The following TBC1D5 variants were observed in gnomAD, a reference collection of about 807,000 sequenced individuals.
TBC1D5 encodes TBC1 domain family member 5.
Under a neutral mutation model 100.3 loss-of-function variants are expected in TBC1D5, and 75 were observed. That is an observed-to-expected ratio of 0.75 (90% CI 0.62 to 0.91). TBC1D5 has a LOEUF of 0.91. TBC1D5 is among the 40% of genes least tolerant of loss of function. The pLI, the probability that TBC1D5 is intolerant of heterozygous loss-of-function variation, is 0.00. For missense variants in TBC1D5, 910 were observed against 942.4 expected (o/e 0.97, Z 0.45); for synonymous variants, 323 against 325.6 (o/e 0.99, Z 0.09).
intron 4 of TBC1D5, among the ~76,000 whole-genome samples, chr3:17,420,681 G>C (rs1011981382): frequency 6.6e-6 from 1 of 152,026 alleles, no homozygotes; most frequent in African/African-American, 2.4e-5. Flanking sequence ...AATTGACTTT[G>C]TATATTTCAC....
At chr3:17,616,953 C>T (rs1374644530) in intron 2 of TBC1D5, among the ~76,000 whole-genome samples, 4 of 152,094 alleles carry the variant, frequency 2.6e-5, no homozygotes, top group South Asian at 2.1e-4. Flanking sequence ...GGTTATTTTG[C>T]CCGTTAATTG....
At chr3:17,683,831 A>G (rs2069854357) in intron 1 of TBC1D5, among the ~76,000 whole-genome samples, 2 of 152,228 alleles carry the variant, frequency 1.3e-5, no homozygotes, top group Admixed American at 1.3e-4. Flanking sequence ...TGAGCTCTGT[A>G]TCTGCACATA....
At chr3:17,516,239 C>T (rs1231191029) in intron 2 of TBC1D5, among the ~76,000 whole-genome samples, 1 of 152,160 alleles carries the variant, frequency 6.6e-6, no homozygotes, top group Non-Finnish European at 1.5e-5. Flanking sequence ...ATTTCCCTTG[C>T]TCTGATGTGC....
intron 3 of TBC1D5, among the ~76,000 whole-genome samples, chr3:17,455,395 T>TAC (rs1240457919): frequency 6.9e-6 from 1 of 144,810 alleles, no homozygotes; most frequent in African/African-American, 2.6e-5. Context: ...AAAAAGTATA[T>TAC]ACACACACGT....
chr3:17,726,975 T>C (rs899533570), intron 1 of TBC1D5, among the ~76,000 whole-genome samples: 4 of 152,236 alleles, frequency 2.6e-5, no homozygotes, highest in African/African-American at 9.6e-5. Flanking sequence ...AATCCTATTA[T>C]ACGGCTACTA....
At chr3:17,680,152 C>A (rs1455413545) in intron 1 of TBC1D5, among the ~76,000 whole-genome samples, 1 of 151,052 alleles carries the variant, frequency 6.6e-6, no homozygotes, top group Admixed American at 6.6e-5. Flanking sequence ...AATGTTCTTT[C>A]TTTAGATGCA....
At chr3:17,514,844 A>G (rs902154243) in intron 2 of TBC1D5, among the ~76,000 whole-genome samples, 4 of 152,108 alleles carry the variant, frequency 2.6e-5, no homozygotes, top group Non-Finnish European at 4.4e-5. Flanking sequence ...AGATGCAGAG[A>G]CTGGGGAATT....
chr3:17,509,053 C>T (rs2095873565), intron 2 of TBC1D5, among the ~76,000 whole-genome samples: 1 of 152,038 alleles, frequency 6.6e-6, no homozygotes, highest in Non-Finnish European at 1.5e-5. Context: ...ACATGTACTT[C>T]CTGTCTTTAT....
At chr3:17,648,093 A>C (rs1042890865) in intron 1 of TBC1D5, among the ~76,000 whole-genome samples, 1 of 152,180 alleles carries the variant, frequency 6.6e-6, no homozygotes, top group African/African-American at 2.4e-5. Flanking sequence ...ATACAAGGCA[A>C]CAGTAACCAA....
At chr3:17,662,543 T>C (rs2066767265) in intron 1 of TBC1D5, among the ~76,000 whole-genome samples, 1 of 152,210 alleles carries the variant, frequency 6.6e-6, no homozygotes, top group Non-Finnish European at 1.5e-5. Context: ...TAGAGTAGGA[T>C]AGGGTCCCGA....
intron 2 of TBC1D5, among the ~76,000 whole-genome samples, chr3:17,590,538 G>C (rs2096760160): frequency 6.6e-6 from 1 of 152,230 alleles, no homozygotes; most frequent in Non-Finnish European, 1.5e-5. Flanking sequence ...GGAGGGTCCA[G>C]AAGATACACC....
intron 10 of TBC1D5, 96 bp from the exon 11 acceptor site, chr3:17,374,775 T>C (rs527855083): frequency 1.2e-4 from 144 of 1,208,554 alleles, no homozygotes; most frequent in Middle Eastern, 2.9e-4. Flanking sequence ...TTTCATATAA[T>C]ATGCAAACGA....
intron 2 of TBC1D5, among the ~76,000 whole-genome samples, chr3:17,589,346 A>G (rs2153558602): frequency 6.6e-6 from 1 of 152,262 alleles, no homozygotes; most frequent in Non-Finnish European, 1.5e-5. Flanking sequence ...AGCACACTTT[A>G]TGGTATGGTT....
At chr3:17,179,169 A>G (rs559754640) in intron 19 of TBC1D5, among the ~76,000 whole-genome samples, 1 of 152,300 alleles carries the variant, frequency 6.6e-6, no homozygotes, top group Admixed American at 6.5e-5. Flanking sequence ...TTCCTCCTAT[A>G]GAGGACTCTG....
chr3:17,547,861 G>A (rs767942863), intron 2 of TBC1D5, among the ~76,000 whole-genome samples: 4 of 152,136 alleles, frequency 2.6e-5, no homozygotes, highest in Non-Finnish European at 5.9e-5. Flanking sequence ...ACTCTTCTCA[G>A]AATAAGATGT....
At chr3:17,392,689 T>C (rs1268200128) in intron 8 of TBC1D5, among the ~76,000 whole-genome samples, 1 of 152,166 alleles carries the variant, frequency 6.6e-6, no homozygotes, top group Non-Finnish European at 1.5e-5. Flanking sequence ...GCAAAGGACA[T>C]GAACTCATCC....
intron 18 of TBC1D5, among the ~76,000 whole-genome samples, chr3:17,195,449 G>A (rs1340348348): frequency 6.6e-6 from 1 of 152,182 alleles, no homozygotes; most frequent in Non-Finnish European, 1.5e-5. Context: ...AACCATCTGC[G>A]TGCTCTCCCT....
At chr3:17,337,724 T>C (rs1048870570) in intron 13 of TBC1D5, 1 of 152,160 alleles carries the variant, frequency 6.6e-6, no homozygotes, top group African/African-American at 2.4e-5. Context: ...ATAACATCTC[T>C]ATATAATCCA....
chr3:17,493,420 G>T (rs1372393696), intron 3 of TBC1D5, among the ~76,000 whole-genome samples: 1 of 151,968 alleles, frequency 6.6e-6, no homozygotes, highest in Non-Finnish European at 1.5e-5. Flanking sequence ...ATGTCTTGGG[G>T]TTGATCTTCT....
Sources: allele counts gnomAD v4.1 joint callset (sites outside exome capture counted in the v4.1 genomes callset), GRCh38; gene constraint gnomAD v4.1.1; transcripts MANE v1.5; gene names NCBI Gene and HGNC (gene_info 2026-07-23, HGNC 2026-07-21).